Variants in SRRM4 observed in about 807,000 individuals in gnomAD.
The protein encoded by SRRM4 is serine/arginine repetitive matrix protein 4.
SRRM4 carries 33 observed loss-of-function variants against 68.9 expected under a neutral mutation model. The ratio of observed to expected loss-of-function variants is 0.48; its 90% CI spans 0.36 to 0.64. The LOEUF (loss-of-function observed/expected upper bound fraction) is 0.64, where lower values mean the gene tolerates loss of function less well. SRRM4 is among the 30% of genes least tolerant of loss of function. The pLI, the probability that SRRM4 is intolerant of heterozygous loss-of-function variation, is 0.00. For synonymous variants in SRRM4, 318 were observed against 318.8 expected, an observed-to-expected ratio of 1.00 and a Z score of 0.03; for missense variants, 817 against 827.1, an observed-to-expected ratio of 0.99 and a Z score of 0.15.
chr12:119,121,320 C>A (rs1954218198), intron 5 of SRRM4, among the ~76,000 whole-genome samples: 1 of 152,172 alleles, frequency 6.6e-6, no homozygotes, highest in African/African-American at 2.4e-5. Flanking sequence ...CCTCTGCAAC[C>A]AGTCTAGCTT....
In SRRM4 at chr12:119,156,638, G is replaced by A. The variant is rs779665136; in HGVS notation, c.1676G>A (p.Arg559Gln). The A allele has an allele frequency of 3.1e-6, 5 of 1,596,034 alleles. No individual in the cohort carries two copies. The highest frequency in any genetic ancestry group is 1.3e-5 in the African/African-American group (1 of 74,352). The change falls in exon 13 of 13, where the codon CGG (arginine) becomes CAG (glutamine). Residue 559 changes from arginine (R) to glutamine (Q), a missense_variant. By Grantham distance (43) the Arg-to-Gln change is conservative. Coordinates refer to ENST00000267260, the MANE Select transcript of SRRM4 (RefSeq NM_194286.4). Reference protein sequence around the residue: ...YSRSRSRSRSRRRSRTRTSSS... With the variant: ...YSRSRSRSRSQRRSRTRTSSS... ...CGGAGCCGGAGTCGGAGCCGGAGCCGGAGACGGAGCCGGACCCGCACGAGC... is the reference window on the plus strand; with the variant it reads ...CGGAGCCGGAGTCGGAGCCGGAGCCAGAGACGGAGCCGGACCCGCACGAGC...
chr12:119,147,785 G>A (rs980293305), intron 9 of SRRM4, among the ~76,000 whole-genome samples: 2 of 152,166 alleles, frequency 1.3e-5, no homozygotes, highest in Non-Finnish European at 1.5e-5. Context: ...AGATGCATAT[G>A]AGCCAGTTGT....
chr12:119,152,462 ACAAAG>A (rs1954445954), intron 10 of SRRM4, among the ~76,000 whole-genome samples: 1 of 152,216 alleles, frequency 6.6e-6, no homozygotes, highest in Non-Finnish European at 1.5e-5. Flanking sequence ...TCCCTGACAG[ACAAAG>A]CAAAGAGGAA....
rs184228844 is a variant in SRRM4 at position 119,059,314 on chromosome 12, A to G, written c.132-42922A>G. ...TTCATTTGTTCATTTTGTTTGTGTG[A>G]CAGGTGCTGTGACAACCAGATACAG... On this transcript the variant is annotated intron_variant, in intron 1 of 12. Coordinates refer to ENST00000267260, the MANE Select transcript of SRRM4 (RefSeq NM_194286.4). 3.9e-5 allele frequency among the ~76,000 whole-genome samples: 6 copies of G among 152,208 alleles called. No individual in the cohort carries two copies. The East Asian group carries it at 1.2e-3, about 29-fold the overall frequency.
At chr12:119,047,678 G>A (rs76023170) in intron 1 of SRRM4, among the ~76,000 whole-genome samples, 4,526 of 152,282 alleles carry the variant, frequency 0.03, 103 homozygotes, top group Middle Eastern at 0.048. Context: ...CATTTCCCTG[G>A]ACCAGTGGTC....
At chr12:118,994,374 G>A (rs528761773) in intron 1 of SRRM4, among the ~76,000 whole-genome samples, 6 of 152,188 alleles carry the variant, frequency 3.9e-5, no homozygotes, top group African/African-American at 9.6e-5. Context: ...TGTTTTCCAG[G>A]AAAGCTCAGG....
chr12:119,150,985 G>T (rs1345408990), intron 9 of SRRM4, 32 bp from the exon 10 acceptor site: 3 of 1,605,654 alleles, frequency 1.9e-6, no homozygotes, highest in South Asian at 2.2e-5. Flanking sequence ...GTAGTGGGCA[G>T]TCGGTGCTCA....
At chr12:119,001,943 A>G (rs1325861855) in intron 1 of SRRM4, 4 of 149,408 alleles carry the variant, frequency 2.7e-5, no homozygotes, top group African/African-American at 9.9e-5. Flanking sequence ...TGATCACACC[A>G]CTCCACTCCA....
At chr12:119,074,815 A>G (rs775270174) in intron 1 of SRRM4, among the ~76,000 whole-genome samples, 7 of 152,236 alleles carry the variant, frequency 4.6e-5, no homozygotes, top group African/African-American at 7.2e-5. Flanking sequence ...AACCCTAAAA[A>G]TAAGCCAATG....
At chr12:119,000,212 G>T (rs1404683094) in intron 1 of SRRM4, among the ~76,000 whole-genome samples, 1 of 152,142 alleles carries the variant, frequency 6.6e-6, no homozygotes, top group African/African-American at 2.4e-5. Flanking sequence ...TGATAAATGG[G>T]AAAAGAGCCG....
chr12:119,065,797 A>G (rs1373629401), intron 1 of SRRM4, among the ~76,000 whole-genome samples: 1 of 152,118 alleles, frequency 6.6e-6, no homozygotes, highest in East Asian at 1.9e-4. Context: ...GGTTGAATGG[A>G]TGCATGGATG....
chr12:119,120,024 C>T (rs137982772), intron 4 of SRRM4, among the ~76,000 whole-genome samples: 21 of 151,856 alleles, frequency 1.4e-4, no homozygotes, highest in East Asian at 3.9e-4. Context: ...CCCCCTGTAG[C>T]GTGATCACAA....
At chr12:119,001,460 A>T (rs1953383659) in intron 1 of SRRM4, 1 of 152,220 alleles carries the variant, frequency 6.6e-6, no homozygotes, top group Non-Finnish European at 1.5e-5. Flanking sequence ...CAGGAAACAC[A>T]TATTAAGGTG....
intron 1 of SRRM4, among the ~76,000 whole-genome samples, chr12:119,010,242 G>A (rs919409673): frequency 6.6e-5 from 10 of 152,134 alleles, no homozygotes; most frequent in South Asian, 2.1e-4. Flanking sequence ...TAGTAGAGAC[G>A]GGGTTTCGCC....
chr12:119,110,270 G>T (rs1380179519), intron 2 of SRRM4, among the ~76,000 whole-genome samples: 2 of 152,196 alleles, frequency 1.3e-5, no homozygotes, highest in Admixed American at 6.5e-5. Flanking sequence ...CTAGTTGGGG[G>T]TCAGGGACGC....
At chr12:119,027,994 G>A (rs1238565030) in intron 1 of SRRM4, among the ~76,000 whole-genome samples, 1 of 152,216 alleles carries the variant, frequency 6.6e-6, no homozygotes, top group Non-Finnish European at 1.5e-5. Context: ...GCATGCAGGT[G>A]CTTTGCACGT....
intron 1 of SRRM4, among the ~76,000 whole-genome samples, chr12:118,985,009 A>G (rs1315756734): frequency 4.6e-5 from 7 of 152,318 alleles, no homozygotes; most frequent in Non-Finnish European, 7.3e-5. Flanking sequence ...CTCTACCCCT[A>G]TGTGTGGTGC....
chr12:119,021,923 A>T (rs1315832629), intron 1 of SRRM4, among the ~76,000 whole-genome samples: 1 of 152,202 alleles, frequency 6.6e-6, no homozygotes, highest in Non-Finnish European at 1.5e-5. Context: ...AGAATGATTT[A>T]TATTCCTTTG....
intron 1 of SRRM4, among the ~76,000 whole-genome samples, chr12:119,055,516 C>A (rs543918778): frequency 1.3e-5 from 2 of 152,286 alleles, no homozygotes; most frequent in South Asian, 4.1e-4. Context: ...GAAGACCTGC[C>A]TTTATTCCTC....
Sources: allele counts gnomAD v4.1 joint callset (sites outside exome capture counted in the v4.1 genomes callset), GRCh38; gene constraint gnomAD v4.1.1; transcripts MANE v1.5; gene names NCBI Gene and HGNC (gene_info 2026-07-23, HGNC 2026-07-21).